The following FBXO42 variants were observed in gnomAD, a reference collection of about 807,000 sequenced individuals.
FBXO42 encodes F-box protein 42, also known as F-box only protein 42.
FBXO42 carries 12 observed loss-of-function variants against 71.7 expected under a neutral mutation model. The ratio of observed to expected loss-of-function variants is 0.17; its 90% CI spans 0.11 to 0.27. The LOEUF (loss-of-function observed/expected upper bound fraction) is 0.27, where lower values mean the gene tolerates loss of function less well. FBXO42 is among the 10% of genes least tolerant of loss of function. The pLI is 1.00. For missense variants in FBXO42, 707 were observed against 911.9 expected (o/e 0.78, Z 2.89); for synonymous variants, 325 against 327.5 (o/e 0.99, Z 0.08).
chr1:16,326,086 G>A lies in FBXO42; in HGVS notation c.-17-10651C>T, dbSNP rs570717732. Among the ~76,000 whole-genome samples, 29 of 143,666 alleles carry A rather than the reference G, an allele frequency of 2.0e-4. 1 individual carries two copies. Among genetic ancestry groups the A allele is most frequent in the South Asian group, 2.3e-4 (1 of 4,394 alleles). 94.3% of individuals were successfully genotyped at this position (143,666 alleles called of 152,430 possible). A position where few individuals can be genotyped will look rare whatever the true frequency, so the allele number is the denominator to read the frequency against. On this transcript the variant is annotated intron_variant, in intron 1 of 9. Transcript: ENST00000375592. ...TGTGTGTGTTTTGAGATGGAATTTC[G>A]CTCTTGTTGCCCAGGCTGGAGTGCA... is the stretch of plus-strand genomic sequence containing the variant.
Position 16,315,325 on chromosome 1 carries a change from G to T in FBXO42, c.94C>A (p.Pro32Thr), listed in dbSNP as rs577733313. Residue 32 changes from proline (P) to threonine (T), a missense_variant, in exon 2 of 10, where the codon CCC becomes ACC. This residue lies in a region of FBXO42 where 188 missense variants were observed against 230.5 expected (regional missense o/e 0.82). Coordinates refer to ENST00000375592, the MANE Select transcript of FBXO42 (RefSeq NM_018994.3). Reference protein sequence around the residue: ...LEGTMDQDEEPHPVLEAEETR... With the variant: ...LEGTMDQDEETHPVLEAEETR... ...TCCTCAGCCTCCAATACTGGGTGGG[G>T]CTCCTCATCTTGATCCATTGTCCCT... 1 of 1,614,106 alleles carries T rather than the reference G, an allele frequency of 6.2e-7. No homozygotes were observed. The highest frequency in any genetic ancestry group is 1.1e-5 in the South Asian group (1 of 91,078).
chr1:16,345,933 GGATAGCT>G (rs1164492816), intron 1 of FBXO42, among the ~76,000 whole-genome samples: 1 of 151,630 alleles, frequency 6.6e-6, no homozygotes, highest in Non-Finnish European at 1.5e-5. Flanking sequence ...GGTGAATCCG[GGATAGCT>G]TGTTGTGACA....
At chr1:16,315,528 T>C (rs979949696) in intron 1 of FBXO42, 93 bp from the exon 2 acceptor site, 58 of 1,318,430 alleles carry the variant, frequency 4.4e-5, no homozygotes, top group Non-Finnish European at 5.8e-5. Context: ...TAATTTCGTT[T>C]CCACTCTCAG....
intron 4 of FBXO42, among the ~76,000 whole-genome samples, chr1:16,292,130 T>A (rs551743492): frequency 3.9e-5 from 6 of 152,362 alleles, no homozygotes; most frequent in African/African-American, 1.4e-4. Flanking sequence ...ATTCAGGAGT[T>A]TGTATGTTTT....
chr1:16,280,724 A>G (rs745696818), intron 4 of FBXO42, among the ~76,000 whole-genome samples: 19 of 152,162 alleles, frequency 1.2e-4, no homozygotes, highest in Admixed American at 2.6e-4. Flanking sequence ...GCAGTGAGCC[A>G]ACATCCGCCA....
At chr1:16,297,584 G>A (rs963630755) in intron 3 of FBXO42, among the ~76,000 whole-genome samples, 13 of 152,138 alleles carry the variant, frequency 8.5e-5, no homozygotes, top group African/African-American at 2.4e-4. Flanking sequence ...AGTCCAGGCC[G>A]GGCGTGGTGG....
chr1:16,322,068 A>G (rs527251461), intron 1 of FBXO42, among the ~76,000 whole-genome samples: 21 of 151,908 alleles, frequency 1.4e-4, no homozygotes, highest in Non-Finnish European at 1.0e-4. Context: ...TACCTGGGAC[A>G]TGTAAAAAAA....
At chr1:16,293,286 A>C (rs1222586616) in intron 4 of FBXO42, 1 of 152,092 alleles carries the variant, frequency 6.6e-6, no homozygotes, top group African/African-American at 2.4e-5. Flanking sequence ...ATGCCCAGCT[A>C]ATTTTTGTAT....
intron 4 of FBXO42, among the ~76,000 whole-genome samples, chr1:16,277,304 A>G (rs1297344969): frequency 6.6e-6 from 1 of 152,250 alleles, no homozygotes; most frequent in Admixed American, 6.5e-5. Context: ...TTAAAAATGT[A>G]TAAAGTGCTT....
At chr1:16,307,502 C>T (rs2082264103) in intron 2 of FBXO42, among the ~76,000 whole-genome samples, 2 of 151,180 alleles carry the variant, frequency 1.3e-5, no homozygotes, top group African/African-American at 2.4e-5. Context: ...GACAGTGAGA[C>T]CCTGTCTCTT....
chr1:16,309,528 A>G (rs191036578), intron 2 of FBXO42, among the ~76,000 whole-genome samples: 82 of 152,372 alleles, frequency 5.4e-4, no homozygotes, highest in African/African-American at 1.8e-3. Flanking sequence ...CTCCTCGAAG[A>G]TAACAGGAGA....
intron 4 of FBXO42, among the ~76,000 whole-genome samples, chr1:16,258,051 G>A (rs2081665492): frequency 6.6e-6 from 1 of 151,896 alleles, no homozygotes; most frequent in African/African-American, 2.4e-5. Flanking sequence ...TTTTTCAAAG[G>A]ATATCTTAAG....
chr1:16,253,947 T>C (rs535289474), intron 6 of FBXO42, among the ~76,000 whole-genome samples: 2 of 152,348 alleles, frequency 1.3e-5, no homozygotes, highest in African/African-American at 4.8e-5. Flanking sequence ...CCCAGCTCTG[T>C]AGCCTGAACA....
intron 1 of FBXO42, among the ~76,000 whole-genome samples, chr1:16,351,241 GACC>G (rs1367409569): frequency 1.3e-5 from 2 of 152,116 alleles, no homozygotes; most frequent in Non-Finnish European, 2.9e-5. Context: ...TCAAGAAAGA[GACC>G]ACAAGGCTTC....
Position 16,312,317 on chromosome 1 carries a change from G to A in FBXO42, c.250+2852C>T, listed in dbSNP as rs116256745. On this transcript the variant is annotated intron_variant, in intron 2 of 9. Transcript: ENST00000375592. ...ACGGAGGTTGCAGTGAGCCAAAATC[G>A]CACCAATGCACTCCAGCCTGGGCAA... is the stretch of plus-strand genomic sequence containing the variant. Among the ~76,000 whole-genome samples the A allele has an allele frequency of 4.6e-3, 706 of 152,206 alleles. 7 individuals carry two copies. Among genetic ancestry groups the A allele is most frequent in the African/African-American group, 0.016 (661 of 41,530 alleles).
At chr1:16,273,137 T>A (rs1219799289) in intron 4 of FBXO42, among the ~76,000 whole-genome samples, 1 of 152,154 alleles carries the variant, frequency 6.6e-6, no homozygotes, top group Non-Finnish European at 1.5e-5. Context: ...AAGGTAGGTA[T>A]TACCATCTCT....
At chr1:16,263,793 C>T (rs1569824152) in intron 4 of FBXO42, among the ~76,000 whole-genome samples, 3 of 149,296 alleles carry the variant, frequency 2.0e-5, no homozygotes, top group Admixed American at 1.3e-4. Context: ...AAAAAACCCA[C>T]GGCCATACAT....
chr1:16,333,869 C>T (rs2082525238), intron 1 of FBXO42, among the ~76,000 whole-genome samples: 1 of 152,106 alleles, frequency 6.6e-6, no homozygotes, highest in South Asian at 2.1e-4. Flanking sequence ...TAACAGTCAG[C>T]ATTTAAAGGG....
Position 16,315,393 on chromosome 1 carries a change from T to A in FBXO42, c.26A>T (p.Asp9Val), listed in dbSNP as rs1374618446. 2 of 1,614,078 alleles carry A rather than the reference T, an allele frequency of 1.2e-6. No homozygotes were observed. Among genetic ancestry groups the A allele is most frequent in the Non-Finnish European group, 1.7e-6 (2 of 1,180,040 alleles). The change falls in exon 2 of 10, where the codon GAT becomes GTT. Residue 9 changes from aspartate (D) to valine (V), a missense_variant. Around this residue, in one of 5 missense-constraint regions of FBXO42, gnomAD observed 188 missense variants for 230.5 expected, o/e 0.82. Transcript: ENST00000375592. ...CTGGTCCACAGCCATGAAACTGTCA[T>A]CTTCACTGTCCGAGGAGCTGGCCAT... MASSSDSE[D>V]DSFMAVDQEE...
Sources: gnomAD v4.1 joint callset for allele counts (sites outside exome capture counted in the v4.1 genomes callset) on GRCh38, gnomAD v4.1.1 for gene constraint, gnomAD v4.1.1 regional missense constraint, MANE v1.5 for transcripts, NCBI Gene and HGNC (gene_info 2026-07-23, HGNC 2026-07-21) for gene names.